CC2D2B: variants seen among roughly 807,000 people sequenced by gnomAD.
The protein encoded by CC2D2B is protein CC2D2B.
In CC2D2B, 128 loss-of-function variants were observed where a neutral mutation model predicts 161.2. The ratio of observed to expected loss-of-function variants is 0.79; its 90% confidence interval spans 0.69 to 0.92. CC2D2B has a LOEUF of 0.92. CC2D2B is among the 40% of genes least tolerant of loss of function. The probability of loss-of-function intolerance (pLI) is 0.00; values close to 1 mark genes in which losing one functional copy is unlikely to be tolerated. For synonymous variants in CC2D2B, 391 were observed against 449.8 expected (o/e 0.87, Z 1.65); for missense variants, 1,173 against 1,375.1 (o/e 0.85, Z 2.32).
intron 17 of CC2D2B, among the ~76,000 whole-genome samples, chr10:95,977,605 T>TA (rs2077365668): frequency 6.6e-6 from 1 of 152,272 alleles, no homozygotes; most frequent in East Asian, 1.9e-4. Context: ...CATGCTCCTT[T>TA]AATGATTCTT....
At position 95,938,686 on chromosome 10, in the gene CC2D2B, G is replaced by A. The variant is rs556555977; in HGVS notation, c.653G>A (p.Arg218His). Residue 218 changes from arginine to histidine, a missense_variant, in exon 8 of 35, where the codon CGC becomes CAC. By Grantham distance (29) the Arg-to-His change is conservative. Coordinates refer to ENST00000646931, the MANE Select transcript of CC2D2B (RefSeq NM_001349008.3). ...AAGACCTGCAACAAAATGGAAAATC[G>A]CCTGCTTAAACTAGAAGAGGCAAGT... The part of the protein sequence containing the change: ...YKKTCNKMEN[R>H]LLKLEEGKCW... 74 of 712,480 alleles carry A rather than the reference G, an allele frequency of 1.0e-4. No individual in the cohort carries two copies. Among genetic ancestry groups the A allele is most frequent in the Admixed American group, 6.7e-4 (33 of 49,174 alleles). 44.1% of individuals were successfully genotyped at this position (712,480 alleles called of 1,614,324 possible). A position where few individuals can be genotyped will look rare whatever the true frequency, so the allele number is the denominator to read the frequency against.
chr10:95,916,809 A>G (rs371629895), intron 2 of CC2D2B, among the ~76,000 whole-genome samples: 3 of 152,332 alleles, frequency 2.0e-5, no homozygotes, highest in African/African-American at 7.2e-5. Context: ...GTGGCCTAAC[A>G]TATGGTCTAT....
In CC2D2B at chr10:95,927,417, C is replaced by T. The variant is rs186160192; in HGVS notation, c.336+85C>T. The T allele has an allele frequency of 8.2e-5, 60 of 733,480 alleles. No homozygotes were observed. In the Admixed American group the frequency reaches 1.0e-3, roughly 12 times the overall value. 45.4% of individuals were successfully genotyped at this position (733,480 alleles called of 1,614,324 possible). A position where few individuals can be genotyped will look rare whatever the true frequency, so the allele number is the denominator to read the frequency against. On this transcript the variant is annotated intron_variant, in intron 6 of 34. Coordinates refer to ENST00000646931, the MANE Select transcript of CC2D2B (RefSeq NM_001349008.3). Reference sequence around the variant, plus strand: ...AAAAGTGCAGAATGAAATACTTGGACGGGAGATAAAGTTTTATTATTGTGC... The same window carrying T: ...AAAAGTGCAGAATGAAATACTTGGATGGGAGATAAAGTTTTATTATTGTGC...
intron 25 of CC2D2B, among the ~76,000 whole-genome samples, chr10:96,009,578 T>G (rs1332696891): frequency 6.6e-6 from 1 of 152,184 alleles, no homozygotes; most frequent in Non-Finnish European, 1.5e-5. Flanking sequence ...GTGCTAGTGT[T>G]GTCATACATT....
At chr10:96,009,682 G>T in intron 25 of CC2D2B, 143 bp from the exon 26 acceptor site, 1 of 458,738 alleles carries the variant, frequency 2.2e-6, no homozygotes. Context: ...AAATTAAAAA[G>T]CAAGAAAAAC....
intron 9 of CC2D2B, among the ~76,000 whole-genome samples, chr10:95,942,630 C>T (rs2076062242): frequency 6.6e-6 from 1 of 151,898 alleles, no homozygotes; most frequent in Admixed American, 6.6e-5. Flanking sequence ...AATTTTTTGC[C>T]ATTTTCTTTC....
chr10:96,009,715 G>C (rs1435375119), intron 25 of CC2D2B, 110 bp from the exon 26 acceptor site: 1 of 477,482 alleles, frequency 2.1e-6, no homozygotes, highest in Non-Finnish European at 3.6e-6. Context: ...TTTATCTTTT[G>C]ATTTCTTTTT....
chr10:95,922,098 A>G (rs1236857937), intron 3 of CC2D2B, 22 bp downstream of exon 3: 2 of 1,199,736 alleles, frequency 1.7e-6, no homozygotes, highest in Admixed American at 4.7e-5. Context: ...GTATACCATA[A>G]CTCTGATACT....
intron 33 of CC2D2B, among the ~76,000 whole-genome samples, chr10:96,025,191 AAATATATATATATAT>A (rs2079693847): frequency 2.0e-5 from 1 of 50,772 alleles, no homozygotes; most frequent in East Asian, 5.7e-4. Flanking sequence ...ATATAAAAAA[AAATATATATATATAT>A]ATATATATAT....
intron 6 of CC2D2B, among the ~76,000 whole-genome samples, chr10:95,937,547 T>C (rs1424515138): frequency 2.6e-5 from 4 of 151,714 alleles, no homozygotes; most frequent in African/African-American, 7.3e-5. Context: ...TTTTTTTTCA[T>C]GAATACCTTG....
chr10:95,926,100 G>T (rs1191427209), intron 5 of CC2D2B, among the ~76,000 whole-genome samples: 1 of 151,942 alleles, frequency 6.6e-6, no homozygotes, highest in African/African-American at 2.4e-5. Flanking sequence ...AAAGGTAAAC[G>T]CAGACTAAAA....
intron 25 of CC2D2B, among the ~76,000 whole-genome samples, chr10:96,007,929 A>G (rs915367415): frequency 5.3e-5 from 8 of 152,150 alleles, no homozygotes; most frequent in Non-Finnish European, 1.2e-4. Flanking sequence ...TTATTGAGGA[A>G]TGATTAGCAT....
chr10:96,012,206 A>T lies in CC2D2B; in HGVS notation c.3067A>T (p.Thr1023Ser), dbSNP rs2079024436. Residue 1023 changes from threonine to serine, a missense_variant, in exon 27 of 35, where the codon ACT becomes TCT. Coordinates refer to ENST00000646931, the MANE Select transcript of CC2D2B (RefSeq NM_001349008.3). Reference sequence around the variant, plus strand: ...TCAGATTAGTGGAACATTTCAAGTAACTATTCCACCAGTTTTGCTCGGGTA... The same window carrying T: ...TCAGATTAGTGGAACATTTCAAGTATCTATTCCACCAGTTTTGCTCGGGTA... ...QSEISGTFQVTIPPVLLGYTW... is the reference protein window; with the variant it reads ...QSEISGTFQVSIPPVLLGYTW... 1.4e-6 allele frequency: 1 copy of T among 690,970 alleles called. No homozygotes were observed. The highest frequency in any genetic ancestry group is 2.3e-5 in the Admixed American group (1 of 43,372). The allele number at this position is 690,970 out of a possible 1,614,324, so 42.8% of individuals were successfully genotyped here.
intron 24 of CC2D2B, among the ~76,000 whole-genome samples, chr10:95,999,080 CAAAG>C (rs2078355110): frequency 6.6e-6 from 1 of 151,700 alleles, no homozygotes; most frequent in Non-Finnish European, 1.5e-5. Context: ...GACTCCGTCT[CAAAG>C]AAAAAAACAA....
intron 17 of CC2D2B, among the ~76,000 whole-genome samples, chr10:95,978,045 A>C (rs1202804016): frequency 6.6e-6 from 1 of 152,194 alleles, no homozygotes; most frequent in Non-Finnish European, 1.5e-5. Context: ...CTACTGAATC[A>C]TACACTTTAA....
At chr10:95,955,925 G>C (rs987295887) in intron 11 of CC2D2B, among the ~76,000 whole-genome samples, 14 of 152,308 alleles carry the variant, frequency 9.2e-5, no homozygotes, top group African/African-American at 3.1e-4. Flanking sequence ...TTGGCTTATA[G>C]ACTGGAAAGC....
At chr10:95,932,900 G>C (rs2075662838) in intron 6 of CC2D2B, among the ~76,000 whole-genome samples, 1 of 152,118 alleles carries the variant, frequency 6.6e-6, no homozygotes, top group South Asian at 2.1e-4. Flanking sequence ...GGTATTCTCT[G>C]TATTTCCTGA....
intron 9 of CC2D2B, among the ~76,000 whole-genome samples, chr10:95,947,768 G>A (rs2141329854): frequency 6.6e-6 from 1 of 151,384 alleles, no homozygotes; most frequent in Admixed American, 6.6e-5. Context: ...AAAAAAAAAA[G>A]ATGGACTAAA....
At chr10:95,935,771 A>G (rs970565581) in intron 6 of CC2D2B, among the ~76,000 whole-genome samples, 3 of 152,136 alleles carry the variant, frequency 2.0e-5, no homozygotes, top group African/African-American at 7.2e-5. Flanking sequence ...CAAATGACAT[A>G]TTATTATAGA....
Sources: allele counts gnomAD v4.1 joint callset (sites outside exome capture counted in the v4.1 genomes callset), GRCh38; gene constraint gnomAD v4.1.1; transcripts MANE v1.5; gene names NCBI Gene and HGNC (gene_info 2026-07-23, HGNC 2026-07-21).